Variants in DHRSX observed in about 807,000 individuals in gnomAD.
DHRSX encodes the protein dehydrogenase/reductase X-linked, also known as polyprenol dehydrogenase.
Under a neutral mutation model 34.0 loss-of-function variants are expected in DHRSX, and 31 were observed. The ratio of observed to expected loss-of-function variants is 0.91; its 90% CI spans 0.69 to 1.23. The LOEUF (loss-of-function observed/expected upper bound fraction) is 1.23, where lower values mean the gene tolerates loss of function less well. Among genes scored for constraint, DHRSX ranks in the 50% most tolerant of loss-of-function variants. DHRSX has a pLI of 0.00. For missense variants in DHRSX, 414 were observed against 428.1 expected (o/e 0.97, Z 0.29); for synonymous variants, 201 against 183.8 (o/e 1.09, Z -0.76).
chrX:2,497,308 G>A (rs1248890869), intron 1 of DHRSX, among the ~76,000 whole-genome samples: 2 of 152,156 alleles, frequency 1.3e-5, no homozygotes, highest in African/African-American at 2.4e-5. Flanking sequence ...CAGGAGAATC[G>A]CTTGAACCCG....
At chrX:2,430,701 T>C (rs2043907970) in intron 1 of DHRSX, among the ~76,000 whole-genome samples, 2 of 151,956 alleles carry the variant, frequency 1.3e-5, no homozygotes, top group African/African-American at 4.8e-5. Flanking sequence ...ATGTTCCTTC[T>C]TGGTGTGTGC....
intron 3 of DHRSX, among the ~76,000 whole-genome samples, chrX:2,370,590 GAAA>G (rs59435030): frequency 1.1e-4 from 15 of 132,660 alleles, no homozygotes; most frequent in Middle Eastern, 7.7e-3. Flanking sequence ...TGGTTTTACT[GAAA>G]AAAAAAAAAA....
At chrX:2,388,812 G>A (rs1228138138) in intron 3 of DHRSX, among the ~76,000 whole-genome samples, 2 of 151,668 alleles carry the variant, frequency 1.3e-5, no homozygotes. Context: ...GACTGTGGGA[G>A]AATAAATGTC....
At chrX:2,325,559 G>A (rs753514268) in intron 3 of DHRSX, among the ~76,000 whole-genome samples, 61 of 152,118 alleles carry the variant, frequency 4.0e-4, no homozygotes, top group African/African-American at 1.4e-3. Flanking sequence ...TTGCATAACC[G>A]ATTAGGGTGG....
intron 3 of DHRSX, among the ~76,000 whole-genome samples, chrX:2,299,683 G>A (rs773081816): frequency 6.6e-6 from 1 of 151,658 alleles, no homozygotes; most frequent in African/African-American, 2.4e-5. Flanking sequence ...GGTGAAATCC[G>A]GTCTCTACTA....
intron 3 of DHRSX, among the ~76,000 whole-genome samples, chrX:2,356,649 C>G (rs1276922829): frequency 6.6e-6 from 1 of 152,160 alleles, no homozygotes; most frequent in Non-Finnish European, 1.5e-5. Context: ...TCTGCCACCC[C>G]TGAGAAAGCC....
chrX:2,232,102 TTC>T lies in DHRSX; in HGVS notation c.805-10875_805-10874del, dbSNP rs756105626. ...TTTCTCCTTTTCCTCATCTTCCTTT[TTC>T]TCTCTCTCCCTTCCCTTCCTCCTCT... On this transcript the variant is annotated intron_variant, in intron 6 of 6. Coordinates refer to ENST00000334651, the MANE Select transcript of DHRSX (RefSeq NM_145177.3). 3.6e-3 allele frequency among the ~76,000 whole-genome samples: 529 copies of T among 148,500 alleles called. 2 individuals are homozygous for T. Among genetic ancestry groups the T allele is most frequent in the Non-Finnish European group, 5.9e-3 (396 of 66,970 alleles).
chrX:2,391,965 A>G (rs2043340286), intron 3 of DHRSX, among the ~76,000 whole-genome samples: 1 of 152,158 alleles, frequency 6.6e-6, no homozygotes, highest in African/African-American at 2.4e-5. Flanking sequence ...AGGGACTGTG[A>G]AAAGAGCAGT....
chrX:2,249,513 C>CTTT lies in DHRSX; in HGVS notation c.597-6286_597-6284dup, dbSNP rs753035485. Reference sequence around the variant, plus strand: ...CCACCACGCTCAGCCCTTTTTGTGCCTTTTTTTTTTTTTTTTTTTTTTTTT... The same window carrying CTTT: ...CCACCACGCTCAGCCCTTTTTGTGCCTTTTTTTTTTTTTTTTTTTTTTTTTTTT... On this transcript the variant is annotated intron_variant, in intron 5 of 6. Transcript: ENST00000334651. 9.4e-4 allele frequency among the ~76,000 whole-genome samples: 66 copies of CTTT among 70,196 alleles called. 11 individuals are homozygous for CTTT. Among genetic ancestry groups the CTTT allele is most frequent in the Non-Finnish European group, 1.4e-3 (44 of 32,188 alleles). 46.1% of individuals were successfully genotyped at this position (70,196 alleles called of 152,430 possible).
intron 3 of DHRSX, among the ~76,000 whole-genome samples, chrX:2,324,057 G>GAA (rs755736026): frequency 7.0e-6 from 1 of 143,000 alleles, no homozygotes; most frequent in Non-Finnish European, 1.5e-5. Flanking sequence ...ACCCTGTCTG[G>GAA]AAAAAAAAAA....
chrX:2,483,911 G>GA (rs1170906424), intron 1 of DHRSX, among the ~76,000 whole-genome samples: 2 of 151,830 alleles, frequency 1.3e-5, no homozygotes, highest in Non-Finnish European at 2.9e-5. Context: ...ATGGTTGGGG[G>GA]AAAAAAAGAA....
chrX:2,231,059 C>CA (rs1197833743), intron 6 of DHRSX, among the ~76,000 whole-genome samples: 1 of 152,098 alleles, frequency 6.6e-6, no homozygotes, highest in Non-Finnish European at 1.5e-5. Flanking sequence ...GACCTTCAAT[C>CA]AAAAGCACAG....
chrX:2,474,485 G>A (rs186257688), intron 1 of DHRSX, among the ~76,000 whole-genome samples: 30,697 of 150,252 alleles, frequency 0.2, 3,985 homozygotes, highest in African/African-American at 0.39. Flanking sequence ...CACTGAAGAC[G>A]CTCCCTAAGA....
chrX:2,318,275 A>T (rs1245639638), intron 3 of DHRSX, among the ~76,000 whole-genome samples: 2 of 148,612 alleles, frequency 1.3e-5, no homozygotes, highest in Non-Finnish European at 3.0e-5. Flanking sequence ...CTGAGGTGGG[A>T]GGATCACTTG....
intron 1 of DHRSX, among the ~76,000 whole-genome samples, chrX:2,461,173 G>T (rs142778875): frequency 0.041 from 6,211 of 152,210 alleles, 207 homozygotes; most frequent in South Asian, 0.071. Flanking sequence ...ATTCTAGAAA[G>T]CCTGCAGTAA....
intron 3 of DHRSX, among the ~76,000 whole-genome samples, chrX:2,408,310 G>A (rs1409664647): frequency 1.3e-5 from 2 of 151,794 alleles, no homozygotes; most frequent in African/African-American, 2.4e-5. Context: ...TCCTGACCTC[G>A]TGATCCACCC....
At chrX:2,335,912 C>T (rs1360714156) in intron 3 of DHRSX, among the ~76,000 whole-genome samples, 1 of 152,072 alleles carries the variant, frequency 6.6e-6, no homozygotes, top group Admixed American at 6.6e-5. Flanking sequence ...TGAACTTAGG[C>T]GACATCCATG....
chrX:2,288,673 C>T (rs2041833089), intron 4 of DHRSX, among the ~76,000 whole-genome samples: 1 of 152,178 alleles, frequency 6.6e-6, no homozygotes. Context: ...GCTTGAGGTG[C>T]CTCTGAGGCA....
At chrX:2,500,682 G>T (rs867438218) in intron 1 of DHRSX, 135 bp downstream of exon 1, 1 of 24,052 alleles carries the variant, frequency 4.2e-5, no homozygotes, top group Non-Finnish European at 8.3e-5. Context: ...GCCACACCTC[G>T]ACCCCCGCCC....
Sources: allele counts gnomAD v4.1 joint callset (sites outside exome capture counted in the v4.1 genomes callset), GRCh38; gene constraint gnomAD v4.1.1; transcripts MANE v1.5; gene names NCBI Gene and HGNC (gene_info 2026-07-23, HGNC 2026-07-21).